Variants in ANK2 observed in about 807,000 individuals in gnomAD.
The protein encoded by ANK2 is ankyrin-2.
ANK2 carries 83 observed loss-of-function variants against 360.5 expected under a neutral mutation model. The observed-to-expected ratio is 0.23, with a 90% CI of 0.19 to 0.28. ANK2 has a LOEUF of 0.28. Ranked by LOEUF, ANK2 falls within the 10% of genes least tolerant of loss-of-function variation. ANK2 has a pLI of 1.00. For missense variants in ANK2, 4,201 were observed against 4,795.7 expected, an observed-to-expected ratio of 0.88 and a Z score of 3.66; for synonymous variants, 1,740 against 1,759.5, an observed-to-expected ratio of 0.99 and a Z score of 0.28.
the ANK2 span, among the ~76,000 whole-genome samples, chr4:112,789,906 A>G: frequency 1.3e-5 from 2 of 152,248 alleles, no homozygotes; most frequent in African/African-American, 4.8e-5. Flanking sequence ...GATGGCTACT[A>G]TTAAAATAAA....
chr4:112,998,430 A>G (rs976393403), intron 2 of ANK2, among the ~76,000 whole-genome samples: 1 of 152,188 alleles, frequency 6.6e-6, no homozygotes, highest in Non-Finnish European at 1.5e-5. Context: ...AGCATCCATC[A>G]TAATGCATTT....
Position 113,287,681 on chromosome 4 carries a change from C to A in ANK2, c.2156C>A (p.Ala719Asp), listed in dbSNP as rs1244709617. 6.2e-7 allele frequency: 1 copy of A among 1,612,360 alleles called. No homozygotes were observed. Among genetic ancestry groups the A allele is most frequent in the Admixed American group, 1.7e-5 (1 of 60,014 alleles). ...GCTGATATTCTCACCAAGCATGGAG[C>A]TGATCAGGATGCTCATACAAAGGTA... ...NVADILTKHG[A>D]DQDAHTKLGY... The change falls in exon 19 of 46, where the codon GCT (alanine) becomes GAT (aspartate). Residue 719 changes from alanine (A) to aspartate (D), a missense_variant. Ala to Asp is a moderately radical substitution (Grantham distance 126). This residue lies in a region of ANK2 where 1,268 missense variants were observed against 1,650.8 expected (regional missense o/e 0.77). Transcript: ENST00000357077.
intron 45 of ANK2, among the ~76,000 whole-genome samples, chr4:113,373,791 G>A (rs562853532): frequency 1.1e-4 from 16 of 152,344 alleles, no homozygotes; most frequent in South Asian, 1.0e-3. Context: ...TGGAGACACC[G>A]TGTAGAAACG....
chr4:112,753,041 C>A, the ANK2 span, among the ~76,000 whole-genome samples: 4 of 152,188 alleles, frequency 2.6e-5, no homozygotes, highest in African/African-American at 9.7e-5. Flanking sequence ...ATATGCTGTT[C>A]AGGAACCTGA....
chr4:113,040,983 T>C (rs913596543), intron 2 of ANK2, among the ~76,000 whole-genome samples: 1 of 152,106 alleles, frequency 6.6e-6, no homozygotes, highest in Non-Finnish European at 1.5e-5. Flanking sequence ...CCTCTTCTTG[T>C]TTCTCACTTC....
chr4:113,331,103 G>A (rs750030481), intron 27 of ANK2, among the ~76,000 whole-genome samples: 5 of 152,126 alleles, frequency 3.3e-5, no homozygotes, highest in Non-Finnish European at 7.3e-5. Context: ...TACGGCTGCT[G>A]TTATATTAAG....
chr4:113,340,724 AAAAAAC>A (rs2094179761), intron 32 of ANK2, among the ~76,000 whole-genome samples: 2 of 136,288 alleles, frequency 1.5e-5, no homozygotes, highest in African/African-American at 6.8e-5. Flanking sequence ...ACAAACAAAC[AAAAAAC>A]AAACAAACAA....
chr4:113,093,759 C>G (rs79121221), intron 1 of ANK2, among the ~76,000 whole-genome samples: 1,900 of 152,278 alleles, frequency 0.012, 29 homozygotes, highest in African/African-American at 0.044. Flanking sequence ...TGATATATGC[C>G]TGAATCATTG....
chr4:112,838,893 C>T (rs2061540921), intron 1 of ANK2, among the ~76,000 whole-genome samples: 1 of 152,168 alleles, frequency 6.6e-6, no homozygotes, highest in African/African-American at 2.4e-5. Context: ...ACTACCGTTT[C>T]TCCTGTGCCT....
intron 10 of ANK2, among the ~76,000 whole-genome samples, chr4:113,254,273 G>T (rs2048084744): frequency 6.6e-6 from 1 of 152,152 alleles, no homozygotes; most frequent in African/African-American, 2.4e-5. Context: ...TTCCACACTA[G>T]AATGTAACCT....
At chr4:113,146,142 C>T in intron 1 of ANK2, 1 of 935,908 alleles carries the variant, frequency 1.1e-6, no homozygotes, top group East Asian at 6.4e-5. Context: ...ACCTGACTAC[C>T]TCTGATCAAG....
the ANK2 span, among the ~76,000 whole-genome samples, chr4:112,756,152 G>C: frequency 6.6e-6 from 1 of 150,792 alleles, no homozygotes; most frequent in African/African-American, 2.5e-5. Context: ...GCAGGAGAAT[G>C]GTGTGAACCC....
At chr4:113,069,640 C>A (rs920041306) in intron 1 of ANK2, among the ~76,000 whole-genome samples, 1 of 152,190 alleles carries the variant, frequency 6.6e-6, no homozygotes, top group Admixed American at 6.5e-5. Context: ...CTCTTTATTG[C>A]ACCATCATTG....
the ANK2 span, among the ~76,000 whole-genome samples, chr4:112,736,197 T>C: frequency 6.6e-6 from 1 of 152,132 alleles, no homozygotes; most frequent in Non-Finnish European, 1.5e-5. Context: ...GCGCGGTGGC[T>C]CATGCCTGTA....
chr4:113,299,821 A>G (rs989873338), intron 22 of ANK2, among the ~76,000 whole-genome samples: 4 of 152,164 alleles, frequency 2.6e-5, no homozygotes, highest in African/African-American at 9.6e-5. Flanking sequence ...CAGGAAAATG[A>G]ATCTCAAATT....
chr4:112,938,227 G>A (rs1254665699), intron 2 of ANK2, among the ~76,000 whole-genome samples: 7 of 152,022 alleles, frequency 4.6e-5, no homozygotes, highest in East Asian at 1.9e-4. Context: ...TTTTTCTAAC[G>A]AGAAACTGAG....
intron 37 of ANK2, among the ~76,000 whole-genome samples, chr4:113,352,144 G>A (rs201657812): frequency 2.0e-5 from 3 of 152,130 alleles, no homozygotes; most frequent in African/African-American, 4.8e-5. Context: ...TCTCCCAGCC[G>A]TTTTACTCCA....
intron 1 of ANK2, among the ~76,000 whole-genome samples, chr4:113,150,530 G>T (rs867283419): frequency 1.3e-5 from 2 of 152,172 alleles, no homozygotes; most frequent in African/African-American, 4.8e-5. Flanking sequence ...ATTCAGCCAG[G>T]CATGGGCCTA....
At chr4:113,300,376 ATG>A (rs1491186241) in intron 22 of ANK2, among the ~76,000 whole-genome samples, 1 of 95,586 alleles carries the variant, frequency 1.0e-5, no homozygotes, top group Non-Finnish European at 2.3e-5. Context: ...CCATTTCATC[ATG>A]ATATGGATTT....
Sources: allele counts gnomAD v4.1 joint callset (sites outside exome capture counted in the v4.1 genomes callset), GRCh38; gene constraint gnomAD v4.1.1; regional missense constraint gnomAD v4.1.1; transcripts MANE v1.5; gene names NCBI Gene and HGNC (gene_info 2026-07-23, HGNC 2026-07-21).